ZNF573: variants seen among roughly 807,000 people sequenced by gnomAD.
ZNF573 encodes the protein zinc finger protein 573.
Under a neutral mutation model 57.4 loss-of-function variants are expected in ZNF573, and 41 were observed. The ratio of observed to expected loss-of-function variants is 0.71; its 90% CI spans 0.56 to 0.93. The LOEUF (loss-of-function observed/expected upper bound fraction) is 0.93, where lower values mean the gene tolerates loss of function less well. Ranked by LOEUF, ZNF573 falls within the 40% of genes least tolerant of loss-of-function variation. The pLI is 0.00. For missense variants in ZNF573, 730 were observed against 794.8 expected (o/e 0.92, Z 0.98); for synonymous variants, 249 against 261.0 (o/e 0.95, Z 0.44).
At chr19:37,746,466 G>C (rs1383684302) in intron 4 of ZNF573, among the ~76,000 whole-genome samples, 1 of 152,198 alleles carries the variant, frequency 6.6e-6, no homozygotes, top group East Asian at 1.9e-4. Flanking sequence ...ATGAGAGTCA[G>C]AGACATTAGT....
intron 4 of ZNF573, among the ~76,000 whole-genome samples, chr19:37,763,851 T>C (rs906574968): frequency 1.3e-5 from 2 of 151,776 alleles, no homozygotes; most frequent in Non-Finnish European, 2.9e-5. Context: ...GTCACCTGAG[T>C]TTGGGAGTTC....
chr19:37,772,036 T>C (rs1031984839), intron 2 of ZNF573, among the ~76,000 whole-genome samples: 2 of 152,212 alleles, frequency 1.3e-5, no homozygotes, highest in African/African-American at 4.8e-5. Flanking sequence ...ATGCATAAAT[T>C]CCCAATAAAC....
chr19:37,755,834 CAAAAAA>C (rs11362043), intron 4 of ZNF573, among the ~76,000 whole-genome samples: 2 of 130,350 alleles, frequency 1.5e-5, no homozygotes, highest in Non-Finnish European at 3.2e-5. Flanking sequence ...TGGTTCTTCG[CAAAAAA>C]AAAAAAAAAG....
intron 4 of ZNF573, chr19:37,758,704 G>A (rs2045522250): frequency 6.6e-6 from 1 of 151,674 alleles, no homozygotes; most frequent in African/African-American, 2.4e-5. Flanking sequence ...ACTCTTTCAA[G>A]AGGTTGTTCT....
chr19:37,765,096 G>A (rs982039335), intron 4 of ZNF573, among the ~76,000 whole-genome samples: 4 of 151,896 alleles, frequency 2.6e-5, no homozygotes, highest in South Asian at 4.2e-4. Flanking sequence ...AGTAGAGATG[G>A]CGTTTCACCA....
At chr19:37,759,698 A>G (rs564315425) in intron 4 of ZNF573, among the ~76,000 whole-genome samples, 2 of 152,314 alleles carry the variant, frequency 1.3e-5, no homozygotes, top group East Asian at 3.9e-4. Flanking sequence ...ACTGCACTCC[A>G]GCCTGGGCAA....
At chr19:37,763,121 T>C (rs1450362837) in intron 4 of ZNF573, among the ~76,000 whole-genome samples, 2 of 151,990 alleles carry the variant, frequency 1.3e-5, no homozygotes, top group African/African-American at 4.8e-5. Context: ...GCCGTGTGGA[T>C]CTCATTTCCT....
At chr19:37,776,682 G>A (rs575733418) in intron 1 of ZNF573, among the ~76,000 whole-genome samples, 4 of 152,080 alleles carry the variant, frequency 2.6e-5, no homozygotes, top group Admixed American at 2.6e-4. Context: ...GAAATAATCA[G>A]CAGAGTAAAC....
intron 4 of ZNF573, among the ~76,000 whole-genome samples, chr19:37,751,991 T>C (rs1414777312): frequency 6.8e-6 from 1 of 146,036 alleles, no homozygotes; most frequent in Non-Finnish European, 1.5e-5. Context: ...CATAGTACCG[T>C]ATATATACTG....
chr19:37,773,665 G>C lies in ZNF573; in HGVS notation c.65C>G (p.Thr22Ser). 2 of 1,534,900 alleles carry C rather than the reference G, an allele frequency of 1.3e-6. No individual in the cohort carries two copies. Among genetic ancestry groups the C allele is most frequent in the Non-Finnish European group, 1.7e-6 (2 of 1,145,988 alleles). Residue 22 changes from threonine (T) to serine (S), a missense_variant, in exon 2 of 5, where the codon ACC (threonine) becomes AGC (serine). Physicochemically the swap from Thr to Ser is moderately conservative, Grantham distance 58 (BLOSUM62 1). Coordinates refer to ENST00000536220, the MANE Select transcript of ZNF573 (RefSeq NM_001172690.2). ...AAACAGAATTAATCAACTTACACAG[G>C]TCATGGTTTTAGAATTGTAAGACCT... ...LIRSYNSKTMTCFQELVTFRD... is the reference protein window; with the variant it reads ...LIRSYNSKTMSCFQELVTFRD...
At chr19:37,760,689 G>A (rs2045543428) in intron 4 of ZNF573, among the ~76,000 whole-genome samples, 1 of 151,964 alleles carries the variant, frequency 6.6e-6, no homozygotes, top group Non-Finnish European at 1.5e-5. Flanking sequence ...AGGCATGGTG[G>A]TGCATGCCTA....
At chr19:37,763,967 G>A (rs1416375643) in intron 4 of ZNF573, among the ~76,000 whole-genome samples, 1 of 151,268 alleles carries the variant, frequency 6.6e-6, no homozygotes, top group Non-Finnish European at 1.5e-5. Context: ...GGAGGCTGAG[G>A]CAGGAGACTC....
chr19:37,769,932 A>C, intron 4 of ZNF573, 73 bp downstream of exon 4: 1 of 1,349,858 alleles, frequency 7.4e-7, no homozygotes, highest in Non-Finnish European at 1.0e-6. Flanking sequence ...TTTCACAAAC[A>C]ACACAAAAAT....
At chr19:37,760,371 C>T (rs891760945) in intron 4 of ZNF573, among the ~76,000 whole-genome samples, 4 of 151,868 alleles carry the variant, frequency 2.6e-5, no homozygotes, top group East Asian at 1.9e-4. Flanking sequence ...GGCACAGATG[C>T]CAACTTGAAA....
In ZNF573 at chr19:37,739,379, T is replaced by C. The variant is rs2045299561; in HGVS notation, c.1111A>G (p.Arg371Gly). ...KECKKTFTLY[R>G]NLTRHQNIHT... is the part of the protein sequence containing the mutation. ...ATATTCTGATGCCGAGTAAGATTTC[T>C]ATACAAAGTAAAGGTTTTCTTACAC... The change falls in exon 5 of 5, where the codon AGA (arginine) becomes GGA (glycine). Residue 371 changes from arginine to glycine, a missense_variant. By Grantham distance (125) the Arg-to-Gly change is moderately radical. Coordinates refer to ENST00000536220, the MANE Select transcript of ZNF573 (RefSeq NM_001172690.2). 4.3e-6 allele frequency: 7 copies of C among 1,613,960 alleles called. No homozygotes were observed. The highest frequency in any genetic ancestry group is 5.9e-6 in the Non-Finnish European group (7 of 1,179,984).
chr19:37,764,436 T>A (rs2045582272), intron 4 of ZNF573, among the ~76,000 whole-genome samples: 1 of 151,472 alleles, frequency 6.6e-6, no homozygotes, highest in African/African-American at 2.4e-5. Flanking sequence ...TTCTCCTGTC[T>A]CAGCCTCCCT....
In ZNF573 at chr19:37,764,164, G is replaced by A. The variant is rs141854438; in HGVS notation, c.295+5841C>T. The stretch of plus-strand genomic sequence containing the variant: ...TTGGAGAATTGGTACTAAGGAATAA[G>A]AGATACAGATCAAAGACAGAAAATT... On this transcript the variant is annotated intron_variant, in intron 4 of 4. Coordinates refer to ENST00000536220, the MANE Select transcript of ZNF573 (RefSeq NM_001172690.2). Among the ~76,000 whole-genome samples, 94 of 151,612 alleles carry A rather than the reference G, an allele frequency of 6.2e-4. No individual in the cohort carries two copies. In the East Asian group the frequency reaches 0.014, roughly 22 times the overall value.
chr19:37,755,818 G>A (rs1488963127), intron 4 of ZNF573, among the ~76,000 whole-genome samples: 9 of 134,344 alleles, frequency 6.7e-5, no homozygotes, highest in Middle Eastern at 3.5e-3. Context: ...TAAAACAACT[G>A]CAAAATGGTT....
intron 4 of ZNF573, among the ~76,000 whole-genome samples, chr19:37,759,493 C>G (rs755349508): frequency 1.1e-4 from 16 of 151,906 alleles, no homozygotes; most frequent in African/African-American, 1.7e-4. Flanking sequence ...TTTGGGAGGC[C>G]GAGGCAGGTG....
Sources: gnomAD v4.1 joint callset for allele counts (sites outside exome capture counted in the v4.1 genomes callset) on GRCh38, gnomAD v4.1.1 for gene constraint, MANE v1.5 for transcripts, NCBI Gene and HGNC (gene_info 2026-07-23, HGNC 2026-07-21) for gene names.